ZNRF3: variants seen among roughly 807,000 people sequenced by gnomAD.
The protein encoded by ZNRF3 is E3 ubiquitin-protein ligase ZNRF3.
Under a neutral mutation model 72.5 loss-of-function variants are expected in ZNRF3, and 23 were observed. That is an observed-to-expected ratio of 0.32 (90% CI 0.23 to 0.45). The LOEUF is 0.45. Ranked by LOEUF, ZNRF3 falls within the 20% of genes least tolerant of loss-of-function variation. ZNRF3 has a pLI of 1.00. For missense variants in ZNRF3, 1,169 were observed against 1,272.1 expected (o/e 0.92, Z 1.23); for synonymous variants, 610 against 545.3 (o/e 1.12, Z -1.65).
intron 1 of ZNRF3, among the ~76,000 whole-genome samples, chr22:28,976,156 G>A (rs2035670315): frequency 6.6e-6 from 1 of 152,130 alleles, no homozygotes; most frequent in Non-Finnish European, 1.5e-5. Flanking sequence ...AGCTCATGTT[G>A]CTTCATCATT....
At chr22:29,028,803 C>G (rs2036690860) in intron 2 of ZNRF3, among the ~76,000 whole-genome samples, 1 of 152,224 alleles carries the variant, frequency 6.6e-6, no homozygotes, top group Non-Finnish European at 1.5e-5. Context: ...ACTTTCCTTA[C>G]TTTCCCTCTT....
intron 1 of ZNRF3, among the ~76,000 whole-genome samples, chr22:28,885,185 C>T (rs1319272400): frequency 6.6e-6 from 1 of 152,072 alleles, no homozygotes; most frequent in Non-Finnish European, 1.5e-5. Flanking sequence ...CAGCCTGTTC[C>T]GTGGTGTCCT....
rs147045827 is a variant in ZNRF3, at chr22:29,052,929, A to G, written c.2768-650A>G. ...TTGAGGCTGTAGTCATGATCTCACC[A>G]CTGCACTTCAGCCTAGGCAACACAG... On this transcript the variant is annotated intron_variant, in intron 8 of 8. Coordinates refer to ENST00000544604, the MANE Select transcript of ZNRF3 (RefSeq NM_001206998.2). 6.4e-3 allele frequency among the ~76,000 whole-genome samples: 981 copies of G among 152,228 alleles called. 8 individuals carry two copies. The highest frequency in any genetic ancestry group is 8.8e-3 in the Non-Finnish European group (596 of 68,004).
At chr22:29,016,398 A>G (rs2036438773) in intron 2 of ZNRF3, among the ~76,000 whole-genome samples, 2 of 148,570 alleles carry the variant, frequency 1.3e-5, no homozygotes, top group African/African-American at 4.9e-5. Flanking sequence ...CTGGCAAATA[A>G]GAGGTTCTTC....
intron 1 of ZNRF3, among the ~76,000 whole-genome samples, chr22:28,888,291 C>T (rs1348370970): frequency 6.6e-6 from 1 of 152,156 alleles, no homozygotes; most frequent in East Asian, 1.9e-4. Flanking sequence ...TGTGCTTCTG[C>T]AGTTTAGCAT....
chr22:28,918,565 T>C (rs1411062757), intron 1 of ZNRF3, among the ~76,000 whole-genome samples: 1 of 147,556 alleles, frequency 6.8e-6, no homozygotes, highest in East Asian at 1.9e-4. Flanking sequence ...TGTGTGTGTG[T>C]GTGTGTGTGT....
Position 29,056,687 on chromosome 22 carries a change from G to A in ZNRF3, c.*3065G>A. 1 of 152,284 alleles carries A rather than the reference G, an allele frequency of 6.6e-6. No homozygotes were observed. Among genetic ancestry groups the A allele is most frequent in the African/African-American group, 2.4e-5 (1 of 41,556 alleles). The allele number at this position is 152,284 out of a possible 1,614,324, so 9.4% of individuals were successfully genotyped here. Reference sequence around the variant, plus strand: ...CAGTTGGGCAGGGTCAAGTGACCCAGCCCTGGCTGTAGGACAGCCATATAC... The same window carrying A: ...CAGTTGGGCAGGGTCAAGTGACCCAACCCTGGCTGTAGGACAGCCATATAC... On this transcript the variant is annotated 3_prime_UTR_variant, in exon 9 of 9. Transcript: ENST00000544604.
At chr22:29,024,244 C>A (rs776686774) in intron 2 of ZNRF3, among the ~76,000 whole-genome samples, 1 of 148,196 alleles carries the variant, frequency 6.7e-6, no homozygotes, top group African/African-American at 2.5e-5. Flanking sequence ...TTCAGTCTCT[C>A]GAGTCTCTTT....
intron 1 of ZNRF3, among the ~76,000 whole-genome samples, chr22:28,901,634 CCTT>C (rs2034105262): frequency 8.7e-6 from 1 of 114,756 alleles, no homozygotes; most frequent in Admixed American, 1.2e-4. Context: ...GATGGATGGA[CCTT>C]TTTTTTTTTT....
At chr22:29,009,726 T>C (rs2036316727) in intron 2 of ZNRF3, among the ~76,000 whole-genome samples, 1 of 152,136 alleles carries the variant, frequency 6.6e-6, no homozygotes, top group Admixed American at 6.5e-5. Context: ...GCCTTCTCAT[T>C]TCCCCACTTC....
At chr22:28,932,807 G>T (rs1601573757) in intron 1 of ZNRF3, among the ~76,000 whole-genome samples, 1 of 152,302 alleles carries the variant, frequency 6.6e-6, no homozygotes, top group Non-Finnish European at 1.5e-5. Context: ...CTCTGCACTT[G>T]ATCTCAGCTA....
chr22:29,011,529 G>A (rs1041717160), intron 2 of ZNRF3, among the ~76,000 whole-genome samples: 1 of 152,160 alleles, frequency 6.6e-6, no homozygotes, highest in Non-Finnish European at 1.5e-5. Context: ...CCTATAATTC[G>A]CAAGTTTAAA....
At chr22:29,040,320 C>G (rs2036939491) in intron 2 of ZNRF3, among the ~76,000 whole-genome samples, 1 of 152,052 alleles carries the variant, frequency 6.6e-6, no homozygotes, top group Non-Finnish European at 1.5e-5. Context: ...ACTGGGAGTA[C>G]AAGCACATGC....
At chr22:28,887,531 TG>T (rs1392622795) in intron 1 of ZNRF3, among the ~76,000 whole-genome samples, 2 of 152,166 alleles carry the variant, frequency 1.3e-5, no homozygotes, top group Non-Finnish European at 2.9e-5. Flanking sequence ...AGGTCACCAA[TG>T]TAATCTGAAT....
At chr22:28,999,790 C>G (rs2036112540) in intron 2 of ZNRF3, among the ~76,000 whole-genome samples, 1 of 152,194 alleles carries the variant, frequency 6.6e-6, no homozygotes, top group South Asian at 2.1e-4. Context: ...TTCCCCCTCC[C>G]TTTCAGTGTA....
Position 29,050,846 on chromosome 22 carries a change from C to CGGCCTGGCTGCCCTCCGGAGGA in ZNRF3, c.2669_2690dup (p.Gly898TrpfsTer16). ...GTGCTGCCAGGCTAGGGCCCTACTGCGGCCTGGCTGCCCTCCGGAGGAGGC... is the reference window on the plus strand; with the variant it reads ...GTGCTGCCAGGCTAGGGCCCTACTGCGGCCTGGCTGCCCTCCGGAGGAGGCCTGGCTGCCCTCCGGAGGAGGC... On this transcript the variant is annotated frameshift_variant, in exon 8 of 9. Transcript: ENST00000544604. LOFTEE classifies it high-confidence loss of function. 3 of 1,604,208 alleles carry CGGCCTGGCTGCCCTCCGGAGGA rather than the reference C, an allele frequency of 1.9e-6. No individual in the cohort carries two copies. Among genetic ancestry groups the CGGCCTGGCTGCCCTCCGGAGGA allele is most frequent in the Non-Finnish European group, 1.7e-6 (2 of 1,178,104 alleles).
rs772125644 is a variant in ZNRF3, at chr22:29,050,138, C to G, written c.1957C>G (p.Pro653Ala). The G allele has an allele frequency of 6.2e-7, 1 of 1,605,528 alleles. No homozygotes were observed. Among genetic ancestry groups the G allele is most frequent in the African/African-American group, 1.3e-5 (1 of 74,924 alleles). Residue 653 changes from proline to alanine, a missense_variant, in exon 8 of 9, where the codon CCC becomes GCC. By Grantham distance (27) the Pro-to-Ala change is conservative. Around this residue, in one of 2 missense-constraint regions of ZNRF3, gnomAD observed 783 missense variants for 731.4 expected, o/e 1.07. Transcript: ENST00000544604. ...CGAGCCTTGGCCGGGCCCTGCCTCT[C>G]CCTCGGGGGATCAGGTGTCCACCTG... Reference protein sequence around the residue: ...RGEPWPGPASPSGDQVSTCSL... With the variant: ...RGEPWPGPASASGDQVSTCSL...
At chr22:28,952,173 C>T (rs765473511) in intron 1 of ZNRF3, among the ~76,000 whole-genome samples, 3 of 152,224 alleles carry the variant, frequency 2.0e-5, no homozygotes, top group East Asian at 1.9e-4. Context: ...CATTACTCTT[C>T]GTGATAGTTT....
chr22:28,934,710 C>T (rs751356318), intron 1 of ZNRF3, among the ~76,000 whole-genome samples: 13 of 151,330 alleles, frequency 8.6e-5, no homozygotes, highest in Non-Finnish European at 1.9e-4. Context: ...CTGAGCTACT[C>T]CAGAGGCTGA....
Sources: allele counts gnomAD v4.1 joint callset (sites outside exome capture counted in the v4.1 genomes callset), GRCh38; gene constraint gnomAD v4.1.1; regional missense constraint gnomAD v4.1.1; transcripts MANE v1.5; gene names NCBI Gene and HGNC (gene_info 2026-07-23, HGNC 2026-07-21).